Variants in SH3BP5 observed in about 807,000 individuals in gnomAD.
SH3BP5 encodes SH3 domain binding protein 5, also known as SH3 domain-binding protein 5.
SH3BP5 carries 22 observed loss-of-function variants against 43.3 expected under a neutral mutation model. The observed-to-expected ratio is 0.51, with a 90% CI of 0.36 to 0.73. The LOEUF (loss-of-function observed/expected upper bound fraction) is 0.73. Among genes scored for constraint, SH3BP5 ranks in the 30% least tolerant of loss-of-function variants. The pLI, the probability that SH3BP5 is intolerant of heterozygous loss-of-function variation, is 0.00. For missense variants in SH3BP5, 529 were observed against 586.9 expected (o/e 0.90, Z 1.02); for synonymous variants, 255 against 225.8 (o/e 1.13, Z -1.16).
rs1203404954 is a variant in SH3BP5 at position 15,267,431 on chromosome 3, G to A, written c.495+2282C>T. Reference sequence around the variant, plus strand: ...GTTTTTAACTCATCTGTTCAATGAGGGGCATTTCCAGCCTATGCAACTGTG... The same window carrying A: ...GTTTTTAACTCATCTGTTCAATGAGAGGCATTTCCAGCCTATGCAACTGTG... On this transcript the variant is annotated intron_variant, in intron 4 of 8. Coordinates refer to ENST00000383791, the MANE Select transcript of SH3BP5 (RefSeq NM_004844.5). 2.6e-5 allele frequency among the ~76,000 whole-genome samples: 4 copies of A among 152,204 alleles called. No homozygotes were observed. The East Asian group carries it at 5.8e-4, about 22-fold the overall frequency.
chr3:15,283,884 G>A (rs1178692125), intron 3 of SH3BP5, among the ~76,000 whole-genome samples: 1 of 152,152 alleles, frequency 6.6e-6, no homozygotes, highest in African/African-American at 2.4e-5. Context: ...CTATATGCCA[G>A]GTGTGAAGCC....
chr3:15,304,370 T>C (rs1697838270), intron 2 of SH3BP5, 139 bp from the exon 3 acceptor site: 4 of 1,318,596 alleles, frequency 3.0e-6, no homozygotes, highest in South Asian at 1.2e-5. Flanking sequence ...TACAAGACAG[T>C]GTCTAGAGCA....
Position 15,254,787 on chromosome 3 carries a change from AAAGGGTTGCCTAG to A in SH3BP5, c.*1286_*1298del, listed in dbSNP as rs1430572898. ...GCACTCCATGCTCTTCCTTATGGAA[AAAGGGTTGCCTAG>A]AAGATTTAGGCAATACTGGGAGTTC... On this transcript the variant is annotated 3_prime_UTR_variant, in exon 9 of 9. Coordinates refer to ENST00000383791, the MANE Select transcript of SH3BP5 (RefSeq NM_004844.5). 2.6e-5 allele frequency: 4 copies of A among 152,246 alleles called. No homozygotes were observed. The allele number at this position is 152,246 out of a possible 1,614,324, so 9.4% of individuals were successfully genotyped here. A position where few individuals can be genotyped will look rare whatever the true frequency, so the allele number is the denominator to read the frequency against.
rs373879792 is a variant in SH3BP5, at chr3:15,320,640, A to ACACACACACACACACC, written c.201+9863_201+9864insGGTGTGTGTGTGTGTG. ...CACACACACACACACACACACACAC[A>ACACACACACACACACC]CCCCACTACGTTAAAGTCCCTACAA... On this transcript the variant is annotated intron_variant, in intron 2 of 8. Coordinates refer to ENST00000383791, the MANE Select transcript of SH3BP5 (RefSeq NM_004844.5). 1.4e-3 allele frequency among the ~76,000 whole-genome samples: 203 copies of ACACACACACACACACC among 149,650 alleles called. 1 individual carries two copies. Among genetic ancestry groups the ACACACACACACACACC allele is most frequent in the Middle Eastern group, 6.8e-3 (2 of 292 alleles).
At chr3:15,259,327 C>G in intron 6 of SH3BP5, 1 of 553,652 alleles carries the variant, frequency 1.8e-6, no homozygotes, top group South Asian at 2.1e-5. Context: ...GGGCATCAGA[C>G]ACACCAAAGT....
At position 15,321,557 on chromosome 3, in the gene SH3BP5, C is replaced by T. The variant is rs141916231; in HGVS notation, c.201+8947G>A. On this transcript the variant is annotated intron_variant, in intron 2 of 8. Transcript: ENST00000383791. Reference sequence around the variant, plus strand: ...AACAGACTTCATTCCCCACCCCCATCCCATGAAAATTATAACAGATGGTCA... The same window carrying T: ...AACAGACTTCATTCCCCACCCCCATTCCATGAAAATTATAACAGATGGTCA... Among the ~76,000 whole-genome samples, 1,495 of 151,772 alleles carry T rather than the reference C, an allele frequency of 9.9e-3. 8 individuals are homozygous for T. The highest frequency in any genetic ancestry group is 0.017 in the Non-Finnish European group (1,123 of 67,968).
rs535836377 is a variant in SH3BP5, at chr3:15,256,912, A to C, written c.1091T>G (p.Val364Gly). 221 of 1,614,104 alleles carry C rather than the reference A, an allele frequency of 1.4e-4. 1 individual carries two copies. The East Asian group carries it at 1.4e-3, about 10-fold the overall frequency. ...SLSEFGMMFP[V>G]LGPRSECSGA... Reference sequence around the variant, plus strand: ...GCTGCATTCACTTCGAGGGCCCAACACTGGGAACATCATCCCAAACTCTGA... The same window carrying C: ...GCTGCATTCACTTCGAGGGCCCAACCCTGGGAACATCATCCCAAACTCTGA... Residue 364 changes from valine to glycine, a missense_variant, in exon 8 of 9, where the codon GTG (valine) becomes GGG (glycine). Around this residue, in one of 3 missense-constraint regions of SH3BP5, gnomAD observed 369 missense variants for 384.3 expected, o/e 0.96. Coordinates refer to ENST00000383791, the MANE Select transcript of SH3BP5 (RefSeq NM_004844.5).
chr3:15,258,616 CA>C (rs1428305170), intron 7 of SH3BP5: 9 of 567,430 alleles, frequency 1.6e-5, no homozygotes, highest in Non-Finnish European at 2.8e-5. Context: ...AACATTTTCC[CA>C]ATTTATTTGA....
At chr3:15,314,509 G>A (rs114505882) in intron 2 of SH3BP5, among the ~76,000 whole-genome samples, 1 of 152,152 alleles carries the variant, frequency 6.6e-6, no homozygotes, top group Non-Finnish European at 1.5e-5. Flanking sequence ...AGGGCAGAGT[G>A]GGGGAGCAAG....
intron 3 of SH3BP5, among the ~76,000 whole-genome samples, chr3:15,287,894 G>A (rs1325562165): frequency 6.6e-6 from 1 of 152,204 alleles, no homozygotes; most frequent in Admixed American, 6.5e-5. Flanking sequence ...GTGCGCTGTG[G>A]TCAGATTTGG....
chr3:15,299,821 C>T (rs1697685091), intron 3 of SH3BP5, among the ~76,000 whole-genome samples: 1 of 151,114 alleles, frequency 6.6e-6, no homozygotes, highest in South Asian at 2.1e-4. Flanking sequence ...GATAGATAGA[C>T]ATGGATATTC....
intron 2 of SH3BP5, among the ~76,000 whole-genome samples, chr3:15,324,417 T>A (rs868452815): frequency 3.3e-5 from 5 of 152,184 alleles, no homozygotes; most frequent in Non-Finnish European, 7.3e-5. Flanking sequence ...TGGTCCCCAG[T>A]GCCCCACACA....
In SH3BP5 at chr3:15,255,988, C is replaced by A; in HGVS notation, c.*98G>T. The A allele has an allele frequency of 3.1e-6, 3 of 970,064 alleles. No homozygotes were observed. Among genetic ancestry groups the A allele is most frequent in the South Asian group, 3.0e-5 (2 of 65,668 alleles). The allele number at this position is 970,064 out of a possible 1,614,324, so 60.1% of individuals were successfully genotyped here. ...CTTCATTAGAGCAGTTTAGAGTAGA[C>A]GTGTAAGATTTGGCATATATTAAAT... On this transcript the variant is annotated 3_prime_UTR_variant, in exon 9 of 9. Coordinates refer to ENST00000383791, the MANE Select transcript of SH3BP5 (RefSeq NM_004844.5).
intron 2 of SH3BP5, among the ~76,000 whole-genome samples, chr3:15,320,385 G>A (rs528750335): frequency 1.3e-5 from 2 of 152,244 alleles, no homozygotes; most frequent in South Asian, 4.1e-4. Flanking sequence ...TTAAGGAAAT[G>A]AAAGAGGCTG....
At chr3:15,256,543 T>C in intron 8 of SH3BP5, 3 of 594,292 alleles carry the variant, frequency 5.0e-6, no homozygotes, top group South Asian at 4.2e-5. Context: ...TCCTTAGCTA[T>C]AGAGATGAAA....
chr3:15,311,899 G>C (rs1385459250), intron 2 of SH3BP5, among the ~76,000 whole-genome samples: 3 of 151,984 alleles, frequency 2.0e-5, no homozygotes, highest in Non-Finnish European at 4.4e-5. Context: ...CAAACTCCTG[G>C]GCTCAAGCGA....
chr3:15,286,701 A>G (rs1305982206), intron 3 of SH3BP5, among the ~76,000 whole-genome samples: 1 of 152,154 alleles, frequency 6.6e-6, no homozygotes, highest in East Asian at 1.9e-4. Context: ...CTACAGGAGC[A>G]CACCAACATG....
intron 2 of SH3BP5, 185 bp from the exon 3 acceptor site, chr3:15,304,416 C>T (rs775921116): frequency 5.5e-6 from 5 of 912,484 alleles, no homozygotes; most frequent in Admixed American, 2.0e-5. Context: ...ACGGCGGAAA[C>T]GTCCTGTGCT....
Position 15,332,480 on chromosome 3 carries a change from G to A in SH3BP5, c.-72C>T. Reference sequence around the variant, plus strand: ...GGGGGTCGCGGCTGCCACAGGCTGGGCTGGAGCCGCCTCGCCACAGCCGGG... The same window carrying A: ...GGGGGTCGCGGCTGCCACAGGCTGGACTGGAGCCGCCTCGCCACAGCCGGG... On this transcript the variant is annotated 5_prime_UTR_variant, in exon 1 of 9. Transcript: ENST00000383791. 2.9e-6 allele frequency: 4 copies of A among 1,374,602 alleles called. No individual in the cohort carries two copies. The highest frequency in any genetic ancestry group is 1.7e-5 in the South Asian group (1 of 60,118). The allele number at this position is 1,374,602 out of a possible 1,614,324, so 85.2% of individuals were successfully genotyped here.
Sources: allele counts gnomAD v4.1 joint callset (sites outside exome capture counted in the v4.1 genomes callset), GRCh38; gene constraint gnomAD v4.1.1; regional missense constraint gnomAD v4.1.1; transcripts MANE v1.5; gene names NCBI Gene and HGNC (gene_info 2026-07-23, HGNC 2026-07-21).